INTS11: variants seen among roughly 807,000 people sequenced by gnomAD.
INTS11 encodes integrator complex subunit 11.
In INTS11, 77 loss-of-function variants were observed where a neutral mutation model predicts 78.6. The ratio of observed to expected loss-of-function variants is 0.98; its 90% CI spans 0.81 to 1.18. The LOEUF is 1.18. Ranked by LOEUF, INTS11 falls within the 50% of genes most tolerant of loss-of-function variation. INTS11 has a pLI of 0.00. For synonymous variants in INTS11, 441 were observed against 326.9 expected, an observed-to-expected ratio of 1.35 and a Z score of -3.77; for missense variants, 875 against 825.9, an observed-to-expected ratio of 1.06 and a Z score of -0.73.
Position 1,312,101 on chromosome 1 carries a change from TCA to T in INTS11, c.1652_1653del (p.Val551AspfsTer14), listed in dbSNP as rs1642210769. The T allele has an allele frequency of 3.2e-6, 5 of 1,576,126 alleles. No homozygotes were observed. Among genetic ancestry groups the T allele is most frequent in the South Asian group, 1.2e-5 (1 of 86,848 alleles). On this transcript the variant is annotated frameshift_variant, in exon 16 of 17. Coordinates refer to ENST00000435064, the MANE Select transcript of INTS11 (RefSeq NM_017871.6). LOFTEE classifies it high-confidence loss of function. ...HCVQHLPDGS[V>X]TVESVLLQAA... ...GCCTGGAGGAGGACGGACTCCACAG[TCA>T]CAGAGCCGTCTGGGAGGTGCTGCAC...
At position 1,314,856 on chromosome 1, in the gene INTS11, T is replaced by C. The variant is rs753979888; in HGVS notation, c.670A>G (p.Lys224Glu). Residue 224 changes from lysine (K) to glutamate (E), a missense_variant, in exon 7 of 17, where the codon AAA becomes GAA. By Grantham distance (56) the Lys-to-Glu change is moderately conservative. Coordinates refer to ENST00000435064, the MANE Select transcript of INTS11 (RefSeq NM_017871.6). The surrounding 1 kb of genome is among the most constrained non-coding windows in gnomAD (Gnocchi z 4.2). ...CCACGCTCCACGGTCTCGTGGACTT[T>C]CTTCAGGAAGTCTCGCTCCCGGCAG... ...KRCRERDFLK[K>E]VHETVERGGK... The C allele has an allele frequency of 6.2e-7, 1 of 1,612,802 alleles. No homozygotes were observed. The highest frequency in any genetic ancestry group is 8.5e-7 in the Non-Finnish European group (1 of 1,179,812).
At chr1:1,319,870 A>G in intron 3 of INTS11, 1 of 280,504 alleles carries the variant, frequency 3.6e-6, no homozygotes, top group South Asian at 5.4e-5. Context: ...CACAGACCTG[A>G]GGGCAAGGGC....
chr1:1,319,793 C>T (rs1431138145), intron 3 of INTS11: 20 of 470,270 alleles, frequency 4.3e-5, no homozygotes, highest in South Asian at 2.8e-4. Flanking sequence ...GAGGGAACCG[C>T]GCATAGGGGA....
rs576396025 is a variant in INTS11, at chr1:1,312,678, G to A, written c.1317C>T (p.Ala439=). Residue 439 remains alanine (A), a synonymous_variant, in exon 13 of 17, where the codon GCC becomes GCT. Transcript: ENST00000435064. ...QELRVNCYMP[A]NGETVTLPTS... is the part of the protein sequence containing the mutation. ...TGGGCAGCGTCACCGTCTCGCCATT[G>A]GCCGGCATGTAGCAGTTGACCCCTG... 2 of 1,595,066 alleles carry A rather than the reference G, an allele frequency of 1.3e-6. No individual in the cohort carries two copies. The highest frequency in any genetic ancestry group is 2.2e-5 in the East Asian group (1 of 44,466).
In INTS11 at chr1:1,324,614, C is replaced by T. The variant is rs763750495; in HGVS notation, c.-6G>A. The T allele has an allele frequency of 2.9e-5, 47 of 1,598,944 alleles. No homozygotes were observed. Among genetic ancestry groups the T allele is most frequent in the Non-Finnish European group, 3.9e-5 (46 of 1,174,632 alleles). On this transcript the variant is annotated 5_prime_UTR_variant, in exon 1 of 17. Coordinates refer to ENST00000435064, the MANE Select transcript of INTS11 (RefSeq NM_017871.6). ...GTGACTCTGATCTCAGGCATCGTCTCCGCCGCGCTCCCGGACCCGCGAGGC... is the reference window on the plus strand; with the variant it reads ...GTGACTCTGATCTCAGGCATCGTCTTCGCCGCGCTCCCGGACCCGCGAGGC...
At position 1,313,610 on chromosome 1, in the gene INTS11, C is replaced by T; in HGVS notation, c.958-18G>A. On this transcript the variant is annotated intron_variant, in intron 9 of 16. Transcript: ENST00000435064. ...AACACAACCTACAGGACACACAGGG[C>T]CAGGTGGGGGGTCAGGGCAGCAGAT... 1 of 1,612,760 alleles carries T rather than the reference C, an allele frequency of 6.2e-7. No individual in the cohort carries two copies. Among genetic ancestry groups the T allele is most frequent in the Non-Finnish European group, 8.5e-7 (1 of 1,179,906 alleles).
rs767744425 is a variant in INTS11, at chr1:1,320,449, A to G, written c.200+7T>C. The G allele has an allele frequency of 7.4e-6, 12 of 1,613,608 alleles. No individual in the cohort carries two copies. The highest frequency in any genetic ancestry group is 1.7e-4 in the Middle Eastern group (1 of 6,058). On this transcript the variant is annotated splice_region_variant and intron_variant, in intron 3 of 16. Coordinates refer to ENST00000435064, the MANE Select transcript of INTS11 (RefSeq NM_017871.6). Reference sequence around the variant, plus strand: ...TGGGACCCTCAAGGCCCCCAACAGGAACCCACCTAATGATCACACAGTCCA... The same window carrying G: ...TGGGACCCTCAAGGCCCCCAACAGGGACCCACCTAATGATCACACAGTCCA...
Position 1,314,534 on chromosome 1 carries a change from G to A in INTS11, c.703-169C>T, listed in dbSNP as rs959930864. The A allele has an allele frequency of 2.1e-5, 14 of 661,750 alleles. No homozygotes were observed. The highest frequency in any genetic ancestry group is 5.5e-5 in the East Asian group (2 of 36,336). The allele number at this position is 661,750 out of a possible 1,614,324, so 41.0% of individuals were successfully genotyped here. A position where few individuals can be genotyped will look rare whatever the true frequency, so the allele number is the denominator to read the frequency against. On this transcript the variant is annotated intron_variant, in intron 7 of 16. Coordinates refer to ENST00000435064, the MANE Select transcript of INTS11 (RefSeq NM_017871.6). This position sits in a 1 kb window ranked among gnomAD's most constrained non-coding sequence, Gnocchi z 4.2. ...CGCTCTCCAGAGACAGAAGGGAGCC[G>A]TATGAGAGACAGGAGGGAGCCGCAT...
intron 1 of INTS11, chr1:1,321,898 T>TAACC: frequency 2.6e-6 from 3 of 1,141,988 alleles, no homozygotes; most frequent in Non-Finnish European, 3.5e-6. Context: ...TCCCCTTGAA[T>TAACC]CCCACCCACC....
At chr1:1,320,819 C>T in intron 2 of INTS11, 177 bp downstream of exon 2, 1 of 742,952 alleles carries the variant, frequency 1.3e-6, no homozygotes. Context: ...ACAGGGGGAC[C>T]CCACCATGCA....
chr1:1,321,187 C>A, intron 1 of INTS11, 94 bp from the exon 2 acceptor site: 2 of 937,486 alleles, frequency 2.1e-6, no homozygotes, highest in East Asian at 2.4e-5. Flanking sequence ...CTGAGGAAAC[C>A]GGACCAAGTC....
Position 1,320,433 on chromosome 1 carries a change from C to G in INTS11, c.200+23G>C. On this transcript the variant is annotated intron_variant, in intron 3 of 16. Coordinates refer to ENST00000435064, the MANE Select transcript of INTS11 (RefSeq NM_017871.6). ...CCCACAGGCACAGACATGGGACCCT[C>G]AAGGCCCCCAACAGGAACCCACCTA... is the stretch of plus-strand genomic sequence containing the variant. 3 of 1,610,974 alleles carry G rather than the reference C, an allele frequency of 1.9e-6. No individual in the cohort carries two copies. In the Admixed American group the frequency reaches 5.0e-5, roughly 27 times the overall value.
rs1642463655 is a variant in INTS11, at chr1:1,314,617, C to T, written c.702+207G>A. On this transcript the variant is annotated intron_variant, in intron 7 of 16. Transcript: ENST00000435064. This position sits in a 1 kb window ranked among gnomAD's most constrained non-coding sequence, Gnocchi z 4.2. ...AGGAGCCTGGCCAGGGCTTCGTCCG[C>T]ACCTGAGGTAGGAGGGAAAAGGGGC... 1.5e-6 allele frequency: 1 copy of T among 685,272 alleles called. No individual in the cohort carries two copies. The highest frequency in any genetic ancestry group is 2.0e-5 in the South Asian group (1 of 50,434). 42.4% of individuals were successfully genotyped at this position (685,272 alleles called of 1,614,324 possible). A position where few individuals can be genotyped will look rare whatever the true frequency, so the allele number is the denominator to read the frequency against.
chr1:1,318,235 G>A (rs1028262269), intron 4 of INTS11, among the ~76,000 whole-genome samples: 4 of 152,068 alleles, frequency 2.6e-5, no homozygotes, highest in Non-Finnish European at 4.4e-5. Flanking sequence ...CAGGCAGAAG[G>A]CAAATTATCC....
At position 1,314,874 on chromosome 1, in the gene INTS11, C is replaced by T. The variant is rs754622200; in HGVS notation, c.652G>A (p.Glu218Lys). ...TTIRDSKRCR[E>K]RDFLKKVHET... ...TGGACTTTCTTCAGGAAGTCTCGCT[C>T]CCGGCAGCGCTTGGAGTCACGGATG... The change falls in exon 7 of 17, where the codon GAG becomes AAG. Residue 218 changes from glutamate to lysine, a missense_variant. Glu to Lys is a moderately conservative substitution (Grantham distance 56, BLOSUM62 1). Transcript: ENST00000435064. This position sits in a 1 kb window ranked among gnomAD's most constrained non-coding sequence, Gnocchi z 4.2. 4 of 1,612,926 alleles carry T rather than the reference C, an allele frequency of 2.5e-6. No homozygotes were observed. Among genetic ancestry groups the T allele is most frequent in the South Asian group, 1.1e-5 (1 of 91,084 alleles).
rs1642256140 is a variant in INTS11, at chr1:1,312,353, A to C, written c.1480T>G (p.Ser494Ala). 2.6e-6 allele frequency: 4 copies of C among 1,563,942 alleles called. No homozygotes were observed. The East Asian group carries it at 9.4e-5, about 37-fold the overall frequency. The change falls in exon 15 of 17, where the codon TCC becomes GCC. Residue 494 changes from serine (S) to alanine (A), a missense_variant. Ser to Ala is a moderately conservative substitution (Grantham distance 99). Transcript: ENST00000435064. ...IMKDSNFRLV[S>A]SEQALKELGL... is the part of the protein sequence containing the mutation. ...AGCTCTTTGAGGGCTTGCTCTGAGGACACCAGCCGGAAGTTCTGTGGGGCA... is the reference window on the plus strand; with the variant it reads ...AGCTCTTTGAGGGCTTGCTCTGAGGCCACCAGCCGGAAGTTCTGTGGGGCA...
chr1:1,322,986 G>C, intron 1 of INTS11: 1 of 1,382,428 alleles, frequency 7.2e-7, no homozygotes, highest in South Asian at 1.7e-5. Context: ...CCAGAGAGTG[G>C]GCAGAACAGG....
At chr1:1,318,470 A>G (rs995351171) in intron 4 of INTS11, among the ~76,000 whole-genome samples, 3 of 151,890 alleles carry the variant, frequency 2.0e-5, no homozygotes, top group African/African-American at 7.3e-5. Context: ...CGAGAGCCTT[A>G]GCAACACATA....
intron 15 of INTS11, 30 bp downstream of exon 15, chr1:1,312,196 A>AGGGGGGGGGGG (rs767334657): frequency 4.4e-6 from 5 of 1,137,898 alleles, no homozygotes; most frequent in Admixed American, 4.0e-5. Context: ...GGCCCAAGGG[A>AGGGGGGGGGGG]GTGGGGGGGG....
Sources: allele counts gnomAD v4.1 joint callset (sites outside exome capture counted in the v4.1 genomes callset), GRCh38; gene constraint gnomAD v4.1.1; non-coding constraint Gnocchi (gnomAD v3.1); transcripts MANE v1.5; gene names NCBI Gene and HGNC (gene_info 2026-07-23, HGNC 2026-07-21).